NREP: variants seen among roughly 807,000 people sequenced by gnomAD.
NREP encodes neuronal regeneration-related protein.
A neutral mutation model predicts 8.6 loss-of-function variants in NREP; 5 were observed. The ratio of observed to expected loss-of-function variants is 0.58; its 90% CI spans 0.30 to 1.22. The LOEUF is 1.22. NREP is among the 50% of genes most tolerant of loss of function. The pLI is 0.07. For missense variants in NREP, 86 were observed against 82.5 expected, an observed-to-expected ratio of 1.04 and a Z score of -0.17; for synonymous variants, 27 against 28.0, an observed-to-expected ratio of 0.96 and a Z score of 0.11.
At chr5:111,805,144 C>A (rs59451484) in intron 2 of NREP, among the ~76,000 whole-genome samples, 1 of 152,180 alleles carries the variant, frequency 6.6e-6, no homozygotes. Context: ...AAAGCTTCAA[C>A]TGAGATACAA....
Position 111,858,968 on chromosome 5 carries a change from A to G in NREP, c.135+116306T>C, listed in dbSNP as rs367922610. Among the ~76,000 whole-genome samples the G allele has an allele frequency of 6.6e-5, 10 of 152,236 alleles. No homozygotes were observed. The South Asian group carries it at 1.5e-3, about 22-fold the overall frequency. ...AGGGAAAGGTAATATATGAATAACC[A>G]GCCAAAGAACCAGTCATAAAAAATA... On this transcript the variant is annotated intron_variant, in intron 2 of 3. Transcript: ENST00000395634.
intron 2 of NREP, among the ~76,000 whole-genome samples, chr5:111,897,483 C>A (rs190555370): frequency 6.6e-6 from 1 of 152,124 alleles, no homozygotes; most frequent in Non-Finnish European, 1.5e-5. Context: ...ATATAATATA[C>A]TTTTCCCACA....
intron 2 of NREP, among the ~76,000 whole-genome samples, chr5:111,957,775 C>G (rs1024121479): frequency 6.6e-6 from 1 of 151,304 alleles, no homozygotes; most frequent in African/African-American, 2.4e-5. Context: ...ACAACATAAC[C>G]AGGTAAGTTA....
chr5:111,770,370 TTC>T (rs1445879027), intron 2 of NREP, among the ~76,000 whole-genome samples: 1 of 152,132 alleles, frequency 6.6e-6, no homozygotes, highest in Non-Finnish European at 1.5e-5. Flanking sequence ...AAACTATAAT[TTC>T]TCTATGCTGC....
chr5:111,968,163 G>C (rs1581259750), intron 2 of NREP, among the ~76,000 whole-genome samples: 1 of 151,730 alleles, frequency 6.6e-6, no homozygotes, highest in Non-Finnish European at 1.5e-5. Flanking sequence ...TAATGAAAAT[G>C]TTGCTTTAGA....
At chr5:111,744,851 G>A (rs1441624365) in intron 2 of NREP, among the ~76,000 whole-genome samples, 1 of 152,130 alleles carries the variant, frequency 6.6e-6, no homozygotes, top group Non-Finnish European at 1.5e-5. Flanking sequence ...GGAAACTCAG[G>A]CTTTCATTCC....
intron 2 of NREP, among the ~76,000 whole-genome samples, chr5:111,824,094 G>A (rs1561681123): frequency 6.6e-6 from 1 of 152,182 alleles, no homozygotes; most frequent in Non-Finnish European, 1.5e-5. Context: ...GTTTTAGCCC[G>A]GCATGGTGGC....
At chr5:111,754,960 G>A (rs149966683) in intron 2 of NREP, among the ~76,000 whole-genome samples, 1 of 152,282 alleles carries the variant, frequency 6.6e-6, no homozygotes, top group African/African-American at 2.4e-5. Context: ...GTTTTAAAGA[G>A]TATAAACATC....
chr5:111,874,463 CT>C (rs1287938533), intron 2 of NREP, among the ~76,000 whole-genome samples: 1 of 152,180 alleles, frequency 6.6e-6, no homozygotes, highest in Non-Finnish European at 1.5e-5. Context: ...TTGTTCCTTG[CT>C]TTGTGCATTT....
At chr5:111,777,665 C>T (rs916719962) in intron 2 of NREP, among the ~76,000 whole-genome samples, 2 of 151,952 alleles carry the variant, frequency 1.3e-5, no homozygotes, top group African/African-American at 2.4e-5. Flanking sequence ...GTCCAAAATG[C>T]TGTTTATGTA....
intron 2 of NREP, among the ~76,000 whole-genome samples, chr5:111,839,734 TAA>T (rs1752979311): frequency 6.6e-6 from 1 of 152,104 alleles, no homozygotes; most frequent in Admixed American, 6.6e-5. Flanking sequence ...TATAATAATA[TAA>T]AGTCTTAATA....
chr5:111,963,021 G>T (rs1445074712), intron 2 of NREP, among the ~76,000 whole-genome samples: 1 of 152,252 alleles, frequency 6.6e-6, no homozygotes, highest in Admixed American at 6.5e-5. Context: ...CCCAAAAAAG[G>T]CTGTCACACT....
At chr5:111,841,557 T>C (rs1303846196) in intron 2 of NREP, among the ~76,000 whole-genome samples, 2 of 152,136 alleles carry the variant, frequency 1.3e-5, no homozygotes, top group African/African-American at 4.8e-5. Flanking sequence ...AGACATAATG[T>C]CTACAGATGA....
chr5:111,972,046 A>T (rs937861246), intron 2 of NREP, among the ~76,000 whole-genome samples: 4 of 152,176 alleles, frequency 2.6e-5, no homozygotes, highest in Non-Finnish European at 5.9e-5. Flanking sequence ...CAGCAAGAAA[A>T]CAAATAACCC....
chr5:111,927,290 G>C (rs73787733), intron 2 of NREP, among the ~76,000 whole-genome samples: 1,980 of 152,146 alleles, frequency 0.013, 22 homozygotes, highest in South Asian at 0.037. Flanking sequence ...TTTTTCATGA[G>C]GGATGAGCTC....
chr5:111,753,011 C>A, intron 2 of NREP, among the ~76,000 whole-genome samples: 1 of 150,434 alleles, frequency 6.6e-6, no homozygotes. Flanking sequence ...AGCAGAAAGC[C>A]AAATGTAAAT....
chr5:111,788,148 A>AGTTCTAATATTGT (rs950124004), intron 2 of NREP, among the ~76,000 whole-genome samples: 1 of 152,188 alleles, frequency 6.6e-6, no homozygotes, highest in Non-Finnish European at 1.5e-5. Flanking sequence ...CATCAGCAAA[A>AGTTCTAATATTGT]GTTCTAATAT....
intron 2 of NREP, among the ~76,000 whole-genome samples, chr5:111,886,321 A>C (rs1754247456): frequency 2.0e-5 from 3 of 152,126 alleles, no homozygotes; most frequent in Admixed American, 2.0e-4. Context: ...GTCAGGAAAC[A>C]ACAGGTGCTG....
chr5:111,920,027 C>A (rs999546011), intron 2 of NREP, among the ~76,000 whole-genome samples: 1 of 144,044 alleles, frequency 6.9e-6, no homozygotes, highest in African/African-American at 2.5e-5. Flanking sequence ...ATGAAGTTTT[C>A]TTCCCTTTTG....
Sources: allele counts gnomAD v4.1 joint callset (sites outside exome capture counted in the v4.1 genomes callset), GRCh38; gene constraint gnomAD v4.1.1; transcripts MANE v1.5; gene names NCBI Gene and HGNC (gene_info 2026-07-23, HGNC 2026-07-21).